Variants in RAPGEF2 observed in about 807,000 individuals in gnomAD.
RAPGEF2 encodes PDZ domain containing guanine nucleotide exchange factor (GEF) 1.
In RAPGEF2, 54 loss-of-function variants were observed where a neutral mutation model predicts 186.7. The ratio of observed to expected loss-of-function variants is 0.29; its 90% confidence interval spans 0.23 to 0.36. The LOEUF is 0.36. Ranked by LOEUF, RAPGEF2 falls within the 10% of genes least tolerant of loss-of-function variation. The pLI, the probability that RAPGEF2 is intolerant of heterozygous loss-of-function variation, is 1.00. For synonymous variants in RAPGEF2, 712 were observed against 705.9 expected (o/e 1.01, Z -0.14); for missense variants, 1,532 against 2,045.0 (o/e 0.75, Z 4.84).
intron 1 of RAPGEF2, among the ~76,000 whole-genome samples, chr4:159,108,546 T>G (rs1172778489): frequency 1.3e-5 from 2 of 152,162 alleles, no homozygotes; most frequent in Non-Finnish European, 2.9e-5. Context: ...TAAAGCTCAG[T>G]TTTGAAAGAA....
At chr4:159,331,300 T>G (rs1561293515) in intron 13 of RAPGEF2, 131 bp from the exon 14 acceptor site, 1 of 582,420 alleles carries the variant, frequency 1.7e-6, no homozygotes, top group Non-Finnish European at 3.0e-6. Context: ...AAGATTTTAT[T>G]ATTGTTAATT....
chr4:159,356,251 C>T (rs1240015235), intron 29 of RAPGEF2, 93 bp downstream of exon 29: 6 of 1,289,488 alleles, frequency 4.7e-6, no homozygotes, highest in Non-Finnish European at 6.4e-6. Context: ...ACACTGCAGT[C>T]AGCTATGTCT....
intron 2 of RAPGEF2, among the ~76,000 whole-genome samples, chr4:159,188,254 A>G (rs1264836264): frequency 3.3e-5 from 5 of 152,266 alleles, no homozygotes; most frequent in African/African-American, 4.8e-5. Context: ...GTGCACATAA[A>G]ACCACACATG....
rs1321524645 is a variant in RAPGEF2, at chr4:159,340,663, ATCAC to A, written c.2535-900_2535-897del. Among the ~76,000 whole-genome samples the A allele has an allele frequency of 3.8e-5, 5 of 132,046 alleles. No homozygotes were observed. The East Asian group carries it at 8.2e-4, about 22-fold the overall frequency. 86.6% of individuals were successfully genotyped at this position (132,046 alleles called of 152,430 possible). A position where few individuals can be genotyped will look rare whatever the true frequency, so the allele number is the denominator to read the frequency against. On this transcript the variant is annotated intron_variant, in intron 19 of 29. Coordinates refer to ENST00000691494, the MANE Select transcript of RAPGEF2 (RefSeq NM_001394067.2). ...AAACAAAACAAAAAATACCACCACC[ATCAC>A]CACACACACACACACACACACACAC... is the stretch of plus-strand genomic sequence containing the variant.
intron 18 of RAPGEF2, among the ~76,000 whole-genome samples, chr4:159,338,900 G>A (rs1272351427): frequency 1.3e-5 from 2 of 152,200 alleles, no homozygotes; most frequent in African/African-American, 4.8e-5. Flanking sequence ...GCTTGCAGCT[G>A]TCTGTAGTTC....
At chr4:159,237,268 T>A (rs1403547080) in intron 4 of RAPGEF2, among the ~76,000 whole-genome samples, 2 of 152,082 alleles carry the variant, frequency 1.3e-5, no homozygotes, top group Admixed American at 1.3e-4. Context: ...TGATCAGCCC[T>A]CCTCAGGCTT....
At position 159,322,602 on chromosome 4, in the gene RAPGEF2, A is replaced by G. The variant is rs1363328420; in HGVS notation, c.990+119A>G. The G allele has an allele frequency of 9.1e-6, 7 of 766,758 alleles. No individual in the cohort carries two copies. In the African/African-American group the frequency reaches 1.2e-4, roughly 13 times the overall value. The allele number at this position is 766,758 out of a possible 1,614,324, so 47.5% of individuals were successfully genotyped here. On this transcript the variant is annotated intron_variant, in intron 10 of 29. Coordinates refer to ENST00000691494, the MANE Select transcript of RAPGEF2 (RefSeq NM_001394067.2). ...TAATACCCAACAACAGTAAGTTTGA[A>G]TAATTCAAGAATTATGGTACACCTG...
At chr4:159,139,020 T>G (rs1742030563) in intron 1 of RAPGEF2, among the ~76,000 whole-genome samples, 1 of 152,218 alleles carries the variant, frequency 6.6e-6, no homozygotes, top group African/African-American at 2.4e-5. Flanking sequence ...GGTAACATTT[T>G]CAGTGAATGG....
At chr4:159,184,882 C>G (rs1747401181) in intron 1 of RAPGEF2, among the ~76,000 whole-genome samples, 1 of 152,158 alleles carries the variant, frequency 6.6e-6, no homozygotes, top group Admixed American at 6.5e-5. Context: ...TTAGGTCTAA[C>G]ATTTAAGTCT....
chr4:159,277,211 A>G (rs1426953860), intron 7 of RAPGEF2, among the ~76,000 whole-genome samples: 2 of 152,024 alleles, frequency 1.3e-5, no homozygotes, highest in South Asian at 4.2e-4. Flanking sequence ...GCTGAGAATG[A>G]TGGTTTCCAG....
chr4:159,330,705 C>G (rs1579966973), intron 13 of RAPGEF2: 1 of 479,166 alleles, frequency 2.1e-6, no homozygotes, highest in Admixed American at 4.3e-5. Flanking sequence ...AATATTAGTT[C>G]AGCCTTCTTT....
intron 7 of RAPGEF2, among the ~76,000 whole-genome samples, chr4:159,298,944 A>G (rs1762335951): frequency 1.3e-5 from 2 of 152,214 alleles, no homozygotes; most frequent in Admixed American, 1.3e-4. Flanking sequence ...CTTTCAATAA[A>G]TGATGGATGA....
At chr4:159,242,468 C>T (rs1754133397) in intron 6 of RAPGEF2, among the ~76,000 whole-genome samples, 1 of 151,536 alleles carries the variant, frequency 6.6e-6, no homozygotes, top group Non-Finnish European at 1.5e-5. Context: ...CTTATACCCA[C>T]ACTTCATATA....
At chr4:159,151,482 A>G (rs1473910722) in intron 1 of RAPGEF2, among the ~76,000 whole-genome samples, 1 of 152,244 alleles carries the variant, frequency 6.6e-6, no homozygotes, top group Non-Finnish European at 1.5e-5. Context: ...GGTTCTTGAG[A>G]AAATTTTTAA....
At chr4:159,352,469 CT>C (rs1354312374) in intron 26 of RAPGEF2, 4 of 503,996 alleles carry the variant, frequency 7.9e-6, no homozygotes, top group East Asian at 3.2e-5. Flanking sequence ...AGGATACTTT[CT>C]TTTTTCCTCT....
At chr4:159,104,721 C>G (rs1737683962) in intron 1 of RAPGEF2, among the ~76,000 whole-genome samples, 1 of 152,096 alleles carries the variant, frequency 6.6e-6, no homozygotes, top group Non-Finnish European at 1.5e-5. Context: ...TGCAAGTGAC[C>G]CTTGGAGTTC....
chr4:159,123,052 T>C (rs1392110582), intron 1 of RAPGEF2, among the ~76,000 whole-genome samples: 1 of 152,228 alleles, frequency 6.6e-6, no homozygotes, highest in Non-Finnish European at 1.5e-5. Context: ...GACATTTTCC[T>C]TTCTTTAGCT....
intron 17 of RAPGEF2, among the ~76,000 whole-genome samples, chr4:159,337,567 A>T (rs1767598659): frequency 6.6e-6 from 1 of 152,014 alleles, no homozygotes; most frequent in Admixed American, 6.6e-5. Flanking sequence ...GAAACTACTA[A>T]TATTTTTTAT....
chr4:159,141,954 T>C (rs1418547749), intron 1 of RAPGEF2, among the ~76,000 whole-genome samples: 1 of 152,190 alleles, frequency 6.6e-6, no homozygotes, highest in Non-Finnish European at 1.5e-5. Context: ...AAGAGAAGTA[T>C]CTCAGTGTAT....
Sources: allele counts gnomAD v4.1 joint callset (sites outside exome capture counted in the v4.1 genomes callset), GRCh38; gene constraint gnomAD v4.1.1; transcripts MANE v1.5; gene names NCBI Gene and HGNC (gene_info 2026-07-23, HGNC 2026-07-21).